Variants in OMA1 observed in about 807,000 individuals in gnomAD.
OMA1 encodes the protein OMA1 zinc metallopeptidase.
A neutral mutation model predicts 30.9 loss-of-function variants in OMA1; 38 were observed. The ratio of observed to expected loss-of-function variants is 1.23; its 90% CI spans 0.95 to 1.61. The LOEUF is 1.61. Ranked by LOEUF, OMA1 falls within the 40% of genes most tolerant of loss-of-function variation. The probability of loss-of-function intolerance (pLI) is 0.00; values close to 1 mark genes in which losing one functional copy is unlikely to be tolerated. For synonymous variants in OMA1, 173 were observed against 121.9 expected (o/e 1.42, Z -2.76); for missense variants, 461 against 349.2 (o/e 1.32, Z -2.55).
At chr1:58,525,975 T>C (rs1646342980) in intron 7 of OMA1, among the ~76,000 whole-genome samples, 1 of 152,176 alleles carries the variant, frequency 6.6e-6, no homozygotes, top group South Asian at 2.1e-4. Flanking sequence ...CCATAAACAG[T>C]GCTGAGTCTA....
At chr1:58,491,720 C>A (rs999465080) in intron 8 of OMA1, among the ~76,000 whole-genome samples, 66 of 152,128 alleles carry the variant, frequency 4.3e-4, no homozygotes, top group Non-Finnish European at 8.2e-4. Flanking sequence ...GCTAACTATC[C>A]TAAATATATA....
chr1:58,502,513 T>C (rs1209468407), intron 8 of OMA1, among the ~76,000 whole-genome samples: 2 of 152,174 alleles, frequency 1.3e-5, no homozygotes, highest in African/African-American at 4.8e-5. Flanking sequence ...TCAACTGCCT[T>C]TGAGGGGAAC....
intron 8 of OMA1, among the ~76,000 whole-genome samples, chr1:58,501,128 TAACTAC>T (rs1008478382): frequency 6.6e-6 from 1 of 152,196 alleles, no homozygotes; most frequent in African/African-American, 2.4e-5. Flanking sequence ...ATCAGCTTAT[TAACTAC>T]AAGTAATATT....
chr1:58,543,324 C>T lies in OMA1; in HGVS notation c.-17+3379G>A, dbSNP rs185717534. 2.0e-4 allele frequency among the ~76,000 whole-genome samples: 31 copies of T among 152,318 alleles called. No homozygotes were observed. In the East Asian group the frequency reaches 6.0e-3, roughly 29 times the overall value. On this transcript the variant is annotated intron_variant, in intron 1 of 8. Coordinates refer to ENST00000371226, the MANE Select transcript of OMA1 (RefSeq NM_145243.5). Reference sequence around the variant, plus strand: ...TGGAACTAGCTGAGGGTTCCTCCTACACTTTGCAAAGCCAAATTTACCAAT... The same window carrying T: ...TGGAACTAGCTGAGGGTTCCTCCTATACTTTGCAAAGCCAAATTTACCAAT...
At chr1:58,533,603 C>T (rs1646470444) in intron 5 of OMA1, among the ~76,000 whole-genome samples, 1 of 152,096 alleles carries the variant, frequency 6.6e-6, no homozygotes, top group Admixed American at 6.5e-5. Flanking sequence ...AGTAATATCA[C>T]TTCCCTACAA....
chr1:58,520,923 G>T (rs1251891444), intron 7 of OMA1, among the ~76,000 whole-genome samples: 1 of 151,998 alleles, frequency 6.6e-6, no homozygotes, highest in Admixed American at 6.6e-5. Flanking sequence ...CAAGAATATA[G>T]AAGATCTGAA....
intron 8 of OMA1, among the ~76,000 whole-genome samples, chr1:58,496,946 C>G (rs903544347): frequency 2.0e-5 from 3 of 152,108 alleles, no homozygotes; most frequent in Admixed American, 2.0e-4. Context: ...AGGAAGAAAA[C>G]CACCTTTGCA....
Position 58,506,047 on chromosome 1 carries a change from G to A in OMA1, c.1365+13C>T, listed in dbSNP as rs752368737. ...GTAAAAATAATGTCCCGCCTTCTAC[G>A]GTGTCAGCTCACCTGAGGTATAAGT... is the stretch of plus-strand genomic sequence containing the variant. On this transcript the variant is annotated intron_variant, in intron 8 of 8. Coordinates refer to ENST00000371226, the MANE Select transcript of OMA1 (RefSeq NM_145243.5). 25 of 846,912 alleles carry A rather than the reference G, an allele frequency of 3.0e-5. No homozygotes were observed. The highest frequency in any genetic ancestry group is 4.3e-5 in the Non-Finnish European group (21 of 485,266). The allele number at this position is 846,912 out of a possible 1,614,324, so 52.5% of individuals were successfully genotyped here.
chr1:58,485,216 A>G (rs1006599926), intron 8 of OMA1, among the ~76,000 whole-genome samples: 2 of 141,378 alleles, frequency 1.4e-5, no homozygotes, highest in African/African-American at 5.5e-5. Context: ...TAAAAATAAA[A>G]GAGTCTACTA....
intron 8 of OMA1, among the ~76,000 whole-genome samples, chr1:58,495,889 G>A (rs991906698): frequency 6.6e-6 from 1 of 152,076 alleles, no homozygotes; most frequent in African/African-American, 2.4e-5. Context: ...TCTTACTCTT[G>A]TATGCCTTTT....
intron 1 of OMA1, among the ~76,000 whole-genome samples, chr1:58,545,233 C>T (rs187037917): frequency 6.6e-6 from 1 of 152,308 alleles, no homozygotes; most frequent in East Asian, 1.9e-4. Flanking sequence ...TAGCTCTGCA[C>T]ATGACAAGCA....
At chr1:58,544,635 T>C (rs551367370) in intron 1 of OMA1, among the ~76,000 whole-genome samples, 31 of 152,310 alleles carry the variant, frequency 2.0e-4, no homozygotes, top group African/African-American at 4.8e-4. Context: ...TTTGTCGTTG[T>C]CCAGGCTGGA....
chr1:58,525,096 A>G (rs1055304929), intron 7 of OMA1, among the ~76,000 whole-genome samples: 4 of 152,184 alleles, frequency 2.6e-5, no homozygotes, highest in Non-Finnish European at 4.4e-5. Context: ...GGCACCATGT[A>G]TGGTCTGTGT....
chr1:58,522,202 G>C (rs1013116427), intron 7 of OMA1, among the ~76,000 whole-genome samples: 3 of 152,094 alleles, frequency 2.0e-5, no homozygotes, highest in Admixed American at 1.3e-4. Context: ...AGGAAGAATA[G>C]CTAATGGATG....
rs569808208 is a variant in OMA1, at chr1:58,495,068, A to C, written c.1365+10992T>G. On this transcript the variant is annotated intron_variant, in intron 8 of 8. Transcript: ENST00000371226. ...GATTAAGAAAATGTGGCACATATAC[A>C]GCATGGAATACTATGCAGCCATAAA... Among the ~76,000 whole-genome samples, 5 of 152,332 alleles carry C rather than the reference A, an allele frequency of 3.3e-5. No homozygotes were observed. The South Asian group carries it at 1.0e-3, about 32-fold the overall frequency.
chr1:58,490,678 AG>A (rs1342616484), intron 8 of OMA1, among the ~76,000 whole-genome samples: 1 of 152,044 alleles, frequency 6.6e-6, no homozygotes, highest in African/African-American at 2.4e-5. Context: ...AAAAATGTTA[AG>A]GGCAGCTAGA....
chr1:58,526,401 A>G (rs1646350348), intron 7 of OMA1, among the ~76,000 whole-genome samples: 2 of 152,124 alleles, frequency 1.3e-5, no homozygotes, highest in African/African-American at 4.8e-5. Context: ...AGGATCAATT[A>G]AAACTTGAAT....
chr1:58,493,092 G>A (rs1645728417), intron 8 of OMA1, among the ~76,000 whole-genome samples: 1 of 152,004 alleles, frequency 6.6e-6, no homozygotes, highest in Non-Finnish European at 1.5e-5. Flanking sequence ...TTCATCCCTG[G>A]GATGCAAGGC....
chr1:58,497,223 CAAACA>C (rs1017069563), intron 8 of OMA1, among the ~76,000 whole-genome samples: 6 of 151,806 alleles, frequency 4.0e-5, no homozygotes, highest in Non-Finnish European at 5.9e-5. Context: ...AGTTTTAAAA[CAAACA>C]AAACAAAAGG....
Sources: allele counts gnomAD v4.1 joint callset (sites outside exome capture counted in the v4.1 genomes callset), GRCh38; gene constraint gnomAD v4.1.1; transcripts MANE v1.5; gene names NCBI Gene and HGNC (gene_info 2026-07-23, HGNC 2026-07-21).